Variants in TLE4 observed in about 807,000 individuals in gnomAD.
TLE4 encodes the protein TLE family member 4, transcriptional corepressor.
TLE4 carries 8 observed loss-of-function variants against 92.8 expected under a neutral mutation model. The ratio of observed to expected loss-of-function variants is 0.09; its 90% CI spans 0.05 to 0.16. The LOEUF is 0.16. Ranked by LOEUF, TLE4 falls within the 10% of genes least tolerant of loss-of-function variation. The probability of loss-of-function intolerance (pLI) is 1.00; values close to 1 mark genes in which losing one functional copy is unlikely to be tolerated. For synonymous variants in TLE4, 371 were observed against 374.1 expected (o/e 0.99, Z 0.10); for missense variants, 675 against 997.6 (o/e 0.68, Z 4.36).
At chr9:79,599,022 T>A (rs1178282460) in intron 4 of TLE4, among the ~76,000 whole-genome samples, 1 of 152,186 alleles carries the variant, frequency 6.6e-6, no homozygotes, top group African/African-American at 2.4e-5. Context: ...TCATCCTCCA[T>A]CTTTCCTCTT....
intron 6 of TLE4, among the ~76,000 whole-genome samples, chr9:79,645,168 C>T (rs915427681): frequency 3.3e-5 from 5 of 152,158 alleles, no homozygotes; most frequent in Non-Finnish European, 5.9e-5. Flanking sequence ...ACACAATATC[C>T]GTTAGTCTAG....
In TLE4 at chr9:79,574,885, A is replaced by G. The variant is rs765035827; in HGVS notation, c.156A>G (p.Glu52=). ...ATGTCTTGAACAGTCTGAAGCTGGAATGTGAGAAACTCGCCAGTGAGAAGA... is the reference window on the plus strand; with the variant it reads ...ATGTCTTGAACAGTCTGAAGCTGGAGTGTGAGAAACTCGCCAGTGAGAAGA... ...LQAQYHSLKL[E]CEKLASEKTE... The change falls in exon 3 of 20, where the codon GAA becomes GAG. Residue 52 remains glutamate, a synonymous_variant. Coordinates refer to ENST00000376552, the MANE Select transcript of TLE4 (RefSeq NM_007005.6). The G allele has an allele frequency of 6.2e-6, 10 of 1,613,516 alleles. No individual in the cohort carries two copies. Among genetic ancestry groups the G allele is most frequent in the Non-Finnish European group, 8.5e-6 (10 of 1,179,592 alleles).
chr9:79,626,917 G>A (rs975167147), intron 5 of TLE4, among the ~76,000 whole-genome samples: 18 of 152,026 alleles, frequency 1.2e-4, no homozygotes, highest in Non-Finnish European at 1.9e-4. Flanking sequence ...ATGTCCTTCC[G>A]GTGTCTTCGC....
At chr9:79,604,695 C>G (rs1027532122) in intron 4 of TLE4, among the ~76,000 whole-genome samples, 1 of 152,112 alleles carries the variant, frequency 6.6e-6, no homozygotes, top group Admixed American at 6.6e-5. Flanking sequence ...GCATGGCTCT[C>G]TGTATAAAAG....
rs2062528300 is a variant in TLE4, at chr9:79,672,258, G to A, written c.609+18183G>A. Among the ~76,000 whole-genome samples the A allele has an allele frequency of 1.3e-5, 2 of 151,920 alleles. 1 individual carries two copies. The highest frequency in any genetic ancestry group is 4.1e-4 in the South Asian group (2 of 4,820). Reference sequence around the variant, plus strand: ...GTCCTGGAAAGTAAGATACACACTGGGCATAAGATGGTGTTTGCCCTCATG... The same window carrying A: ...GTCCTGGAAAGTAAGATACACACTGAGCATAAGATGGTGTTTGCCCTCATG... On this transcript the variant is annotated intron_variant, in intron 8 of 19. Transcript: ENST00000376552.
chr9:79,670,713 T>C (rs953318267), intron 8 of TLE4, among the ~76,000 whole-genome samples: 1 of 152,120 alleles, frequency 6.6e-6, no homozygotes, highest in African/African-American at 2.4e-5. Flanking sequence ...GGAAACAGTG[T>C]AGCAATACCA....
At chr9:79,576,350 A>G (rs2037753629) in intron 4 of TLE4, 173 bp downstream of exon 4, 3 of 396,576 alleles carry the variant, frequency 7.6e-6, no homozygotes, top group African/African-American at 2.1e-5. Context: ...TCTTTCTTTC[A>G]TATTATCCTA....
intron 5 of TLE4, 120 bp downstream of exon 5, chr9:79,612,838 CATTTCT>C (rs1179208613): frequency 2.3e-5 from 19 of 820,588 alleles, no homozygotes; most frequent in South Asian, 2.0e-4. Context: ...ATTTTATTTT[CATTTCT>C]AAGAAACAGT....
intron 5 of TLE4, among the ~76,000 whole-genome samples, chr9:79,624,928 G>C (rs1439135814): frequency 6.6e-6 from 1 of 151,682 alleles, no homozygotes; most frequent in African/African-American, 2.4e-5. Context: ...TGAGTAGAAT[G>C]AATGATACCT....
At position 79,615,278 on chromosome 9, in the gene TLE4, G is replaced by A. The variant is rs535634508; in HGVS notation, c.315+2560G>A. On this transcript the variant is annotated intron_variant, in intron 5 of 19. Transcript: ENST00000376552. ...GAAAATCACTCTTGCATGGCTGTGA[G>A]CATCACTGTGCCAGGACTGAAGGCT... 6.1e-4 allele frequency among the ~76,000 whole-genome samples: 93 copies of A among 152,264 alleles called. No individual in the cohort carries two copies. The Middle Eastern group carries it at 0.014, about 22-fold the overall frequency.
At chr9:79,639,015 G>C (rs920912830) in intron 6 of TLE4, among the ~76,000 whole-genome samples, 3 of 152,112 alleles carry the variant, frequency 2.0e-5, no homozygotes, top group Admixed American at 1.3e-4. Flanking sequence ...AGGTCAGCGA[G>C]ATATAAAAAG....
chr9:79,636,101 G>GC lies in TLE4; in HGVS notation c.390+8655dup, dbSNP rs60526370. On this transcript the variant is annotated intron_variant, in intron 6 of 19. Transcript: ENST00000376552. ...TCTTTCTTTCATTCTACACACAGCAGCCAGAGTGACCTTCTTATAAAATAG... is the reference window on the plus strand; with the variant it reads ...TCTTTCTTTCATTCTACACACAGCAGCCCAGAGTGACCTTCTTATAAAATAG... Among the ~76,000 whole-genome samples, 362 of 152,082 alleles carry GC rather than the reference G, an allele frequency of 2.4e-3. 2 individuals carry two copies. The highest frequency in any genetic ancestry group is 8.4e-3 in the African/African-American group (348 of 41,476).
rs768100717 is a variant in TLE4 at position 79,652,601 on chromosome 9, C to T, written c.399C>T (p.Leu133=). The change falls in exon 7 of 20, where the codon CTC becomes CTT. Residue 133 remains leucine (L), a synonymous_variant. Transcript: ENST00000376552. Reference sequence around the variant, plus strand: ...TTAATTTTTCACAGCAGCAACAACTCCAGGCCCAGCATTTATCACATGGAC... The same window carrying T: ...TTAATTTTTCACAGCAGCAACAACTTCAGGCCCAGCATTTATCACATGGAC... The part of the protein sequence containing the change: ...AELNAIIGQQ[L]QAQHLSHGHG... 45 of 1,613,972 alleles carry T rather than the reference C, an allele frequency of 2.8e-5. No individual in the cohort carries two copies. The highest frequency in any genetic ancestry group is 3.6e-5 in the Non-Finnish European group (43 of 1,179,996).
chr9:79,596,277 G>T (rs868757677), intron 4 of TLE4, among the ~76,000 whole-genome samples: 11 of 152,160 alleles, frequency 7.2e-5, no homozygotes, highest in Admixed American at 2.6e-4. Context: ...GCCTCCTCCT[G>T]CCTGATGATA....
intron 8 of TLE4, among the ~76,000 whole-genome samples, chr9:79,656,462 G>A (rs963935193): frequency 1.3e-5 from 2 of 152,036 alleles, no homozygotes; most frequent in Non-Finnish European, 2.9e-5. Context: ...GTGCAAACAG[G>A]CAGCTCTGGT....
intron 8 of TLE4, among the ~76,000 whole-genome samples, chr9:79,672,586 T>A (rs77923095): frequency 3.6e-4 from 55 of 152,252 alleles, no homozygotes; most frequent in African/African-American, 1.3e-3. Flanking sequence ...CAGACCTTTG[T>A]TTTTAGAGAA....
At chr9:79,578,831 A>AT (rs11419323) in intron 4 of TLE4, among the ~76,000 whole-genome samples, 63,424 of 144,496 alleles carry the variant, frequency 0.44, 14,995 homozygotes, top group African/African-American at 0.65. Flanking sequence ...GAATTAGTGG[A>AT]TTTTTTTTTT....
chr9:79,646,702 G>A (rs114688338), intron 6 of TLE4, among the ~76,000 whole-genome samples: 2,846 of 152,044 alleles, frequency 0.019, 97 homozygotes, highest in African/African-American at 0.062. Context: ...GTACAGAAAG[G>A]GGTCTCATTT....
At chr9:79,686,708 G>A (rs553410518) in intron 8 of TLE4, among the ~76,000 whole-genome samples, 1 of 152,328 alleles carries the variant, frequency 6.6e-6, no homozygotes, top group African/African-American at 2.4e-5. Context: ...GGAGCCTTTG[G>A]AGGGAGCATG....
Sources: allele counts gnomAD v4.1 joint callset (sites outside exome capture counted in the v4.1 genomes callset), GRCh38; gene constraint gnomAD v4.1.1; transcripts MANE v1.5; gene names NCBI Gene and HGNC (gene_info 2026-07-23, HGNC 2026-07-21).